PTPRD: variants seen among roughly 807,000 people sequenced by gnomAD.
The protein encoded by PTPRD is protein tyrosine phosphatase receptor type D.
In PTPRD, 34 loss-of-function variants were observed where a neutral mutation model predicts 214.5. The observed-to-expected ratio is 0.16, with a 90% CI of 0.12 to 0.21. PTPRD has a LOEUF of 0.21. Among genes scored for constraint, PTPRD ranks in the 10% least tolerant of loss-of-function variants. The pLI is 1.00. For synonymous variants in PTPRD, 1,128 were observed against 845.7 expected (o/e 1.33, Z -5.79); for missense variants, 2,545 against 2,398.7 (o/e 1.06, Z -1.27).
chr9:8,990,778 T>G (rs2099363251), intron 11 of PTPRD, among the ~76,000 whole-genome samples: 1 of 152,156 alleles, frequency 6.6e-6, no homozygotes. Flanking sequence ...GAGGAAGGAA[T>G]GCTTCAGAGA....
At chr9:10,127,832 G>A (rs1357365910) in intron 3 of PTPRD, among the ~76,000 whole-genome samples, 13 of 152,048 alleles carry the variant, frequency 8.5e-5, no homozygotes, top group Admixed American at 2.0e-4. Context: ...TCAGTCTTCC[G>A]AAGTGGAAGT....
chr9:9,567,678 C>G (rs1475480129), intron 8 of PTPRD, among the ~76,000 whole-genome samples: 1 of 152,002 alleles, frequency 6.6e-6, no homozygotes, highest in Non-Finnish European at 1.5e-5. Flanking sequence ...AGAACCATTT[C>G]TCCTTTTCTG....
At chr9:8,550,580 C>T (rs996649296) in intron 14 of PTPRD, among the ~76,000 whole-genome samples, 1 of 152,178 alleles carries the variant, frequency 6.6e-6, no homozygotes, top group African/African-American at 2.4e-5. Flanking sequence ...TGTGCACACA[C>T]ATTCTCCAAC....
At chr9:9,068,366 A>G (rs949647792) in intron 10 of PTPRD, among the ~76,000 whole-genome samples, 1 of 152,192 alleles carries the variant, frequency 6.6e-6, no homozygotes, top group African/African-American at 2.4e-5. Flanking sequence ...AATGCCCATG[A>G]ATGCAATTAC....
At chr9:10,501,089 T>C (rs533748881) in intron 2 of PTPRD, among the ~76,000 whole-genome samples, 1 of 151,928 alleles carries the variant, frequency 6.6e-6, no homozygotes, top group African/African-American at 2.4e-5. Context: ...GGTAGCTCTA[T>C]TTTTAGTTTT....
intron 2 of PTPRD, among the ~76,000 whole-genome samples, chr9:10,607,156 T>A (rs934075180): frequency 5.3e-5 from 8 of 151,874 alleles, no homozygotes; most frequent in Non-Finnish European, 7.4e-5. Flanking sequence ...TGTAAGTAAA[T>A]GTATTTGAGA....
At chr9:9,337,024 G>T (rs1023438042) in intron 9 of PTPRD, among the ~76,000 whole-genome samples, 1 of 152,068 alleles carries the variant, frequency 6.6e-6, no homozygotes, top group Admixed American at 6.6e-5. Context: ...ATTTTTAAAA[G>T]CAAAATACAT....
chr9:8,367,089 G>A (rs2080118928), intron 39 of PTPRD, among the ~76,000 whole-genome samples: 1 of 152,170 alleles, frequency 6.6e-6, no homozygotes, highest in Non-Finnish European at 1.5e-5. Context: ...TATGGTTGGT[G>A]ACCAAGGTAA....
chr9:9,180,459 A>C (rs1256973453), intron 10 of PTPRD, among the ~76,000 whole-genome samples: 1 of 68,240 alleles, frequency 1.5e-5, no homozygotes, highest in African/African-American at 6.1e-5. Flanking sequence ...GGGTGGGGGG[A>C]GGGCGGAGGG....
intron 8 of PTPRD, among the ~76,000 whole-genome samples, chr9:9,573,936 TG>T (rs2087465486): frequency 6.6e-6 from 1 of 151,890 alleles, no homozygotes; most frequent in Non-Finnish European, 1.5e-5. Context: ...TTTAATCAAC[TG>T]CCTTTGTGCT....
Position 9,067,204 on chromosome 9 carries a change from T to C in PTPRD, c.-142-48469A>G, listed in dbSNP as rs557644241. On this transcript the variant is annotated intron_variant, in intron 10 of 45. Transcript: ENST00000381196. The stretch of plus-strand genomic sequence containing the variant: ...TAGATAGCACCATTGCACTCCAGCC[T>C]GGGCAATAAGAGTGAGACTCCGTCT... Among the ~76,000 whole-genome samples, 41 of 152,344 alleles carry C rather than the reference T, an allele frequency of 2.7e-4. 1 individual carries two copies. The South Asian group carries it at 6.2e-3, about 23-fold the overall frequency.
intron 30 of PTPRD, among the ~76,000 whole-genome samples, chr9:8,472,207 T>C (rs1212771236): frequency 6.6e-6 from 1 of 152,194 alleles, no homozygotes; most frequent in African/African-American, 2.4e-5. Flanking sequence ...ATTTACTCTA[T>C]GTGTCATAAA....
chr9:9,414,912 G>A (rs1409757628), intron 8 of PTPRD: 1 of 152,122 alleles, frequency 6.6e-6, no homozygotes, highest in East Asian at 1.9e-4. Flanking sequence ...CCAACATTAT[G>A]GGCATATGAC....
chr9:8,493,835 A>T (rs755509623), intron 26 of PTPRD, among the ~76,000 whole-genome samples: 2 of 152,218 alleles, frequency 1.3e-5, no homozygotes, highest in Non-Finnish European at 2.9e-5. Flanking sequence ...TGTGGTGGTT[A>T]TAAGACCAGA....
intron 8 of PTPRD, among the ~76,000 whole-genome samples, chr9:9,552,466 TTTTA>T (rs2080524006): frequency 6.6e-6 from 1 of 152,092 alleles, no homozygotes; most frequent in Non-Finnish European, 1.5e-5. Flanking sequence ...TATTAAATAA[TTTTA>T]ACTTCCTAAA....
intron 11 of PTPRD, among the ~76,000 whole-genome samples, chr9:8,748,112 T>C (rs1358233751): frequency 6.6e-6 from 1 of 152,238 alleles, no homozygotes; most frequent in Middle Eastern, 3.4e-3. Context: ...ACAACTACTA[T>C]GCCCCAATTC....
chr9:8,548,212 C>T (rs558874657), intron 14 of PTPRD, among the ~76,000 whole-genome samples: 149 of 152,236 alleles, frequency 9.8e-4, no homozygotes, highest in Admixed American at 2.7e-3. Flanking sequence ...AGGTGAAATG[C>T]GGTCACTGCT....
intron 10 of PTPRD, among the ~76,000 whole-genome samples, chr9:9,024,348 G>GTTTTTTTTTTTTTTTTTTTTT (rs752607769): frequency 1.1e-4 from 7 of 64,160 alleles, no homozygotes; most frequent in East Asian, 6.0e-4. Flanking sequence ...GTTTTTTTTT[G>GTTTTTTTTTTTTTTTTTTTTT]TTTGTTTTTT....
At chr9:10,234,086 C>T (rs946393063) in intron 3 of PTPRD, among the ~76,000 whole-genome samples, 1 of 151,678 alleles carries the variant, frequency 6.6e-6, no homozygotes, top group Non-Finnish European at 1.5e-5. Flanking sequence ...AACCCTGTGT[C>T]TACTAATAAT....
Sources: gnomAD v4.1 joint callset for allele counts (sites outside exome capture counted in the v4.1 genomes callset) on GRCh38, gnomAD v4.1.1 for gene constraint, MANE v1.5 for transcripts, NCBI Gene and HGNC (gene_info 2026-07-23, HGNC 2026-07-21) for gene names.